CXADR: variants seen among roughly 807,000 people sequenced by gnomAD.
CXADR encodes the protein coxsackievirus and adenovirus receptor.
In CXADR, 20 loss-of-function variants were observed where a neutral mutation model predicts 40.3. The ratio of observed to expected loss-of-function variants is 0.50; its 90% CI spans 0.35 to 0.72. CXADR has a LOEUF of 0.72. CXADR is among the 30% of genes least tolerant of loss of function. The probability of loss-of-function intolerance (pLI) is 0.01; values close to 1 mark genes in which losing one functional copy is unlikely to be tolerated. For missense variants in CXADR, 332 were observed against 449.1 expected (o/e 0.74, Z 2.36); for synonymous variants, 150 against 161.3 (o/e 0.93, Z 0.53).
chr21:17,524,029 TGTGTGTGTGTGTGC>T, intron 1 of CXADR, among the ~76,000 whole-genome samples: 1 of 142,834 alleles, frequency 7.0e-6, no homozygotes, highest in South Asian at 2.2e-4. Flanking sequence ...CAGGCGATTT[TGTGTGTGTGTGTGC>T]GTGTGTGTGT....
At chr21:17,524,043 C>CGTGTGTGT (rs200561495) in intron 1 of CXADR, among the ~76,000 whole-genome samples, 4 of 144,816 alleles carry the variant, frequency 2.8e-5, no homozygotes, top group African/African-American at 1.0e-4. Flanking sequence ...TGTGTGTGTG[C>CGTGTGTGT]GTGTGTGTGT....
chr21:17,584,069 A>G (rs879508291), intron 7 of CXADR, among the ~76,000 whole-genome samples: 16 of 152,178 alleles, frequency 1.1e-4, no homozygotes, highest in Non-Finnish European at 1.9e-4. Context: ...TATGCAATCA[A>G]CTCAGGTGGG....
intron 7 of CXADR, among the ~76,000 whole-genome samples, chr21:17,584,602 A>G (rs1259693366): frequency 6.6e-6 from 1 of 152,134 alleles, no homozygotes; most frequent in Non-Finnish European, 1.5e-5. Flanking sequence ...GAGGCCGAGG[A>G]GGGCGGATCA....
In CXADR at chr21:17,568,012, T is replaced by C. The variant is rs2824362; in HGVS notation, c.*2320T>C. On this transcript the variant is annotated 3_prime_UTR_variant, in exon 7 of 7. Transcript: ENST00000284878. ...GTTTTCAAGTAGTTCTCACTGATAA[T>C]TTAGTTGAACCAGAGATCAAATATT... 5.5e-3 allele frequency: 5,413 copies of C among 985,278 alleles called. 215 individuals carry two copies. The African/African-American group carries it at 0.085, about 15-fold the overall frequency. The allele number at this position is 985,278 out of a possible 1,614,324, so 61.0% of individuals were successfully genotyped here. A position where few individuals can be genotyped will look rare whatever the true frequency, so the allele number is the denominator to read the frequency against.
At chr21:17,600,097 T>G in the CXADR span, among the ~76,000 whole-genome samples, 1 of 152,162 alleles carries the variant, frequency 6.6e-6, no homozygotes, top group Non-Finnish European at 1.5e-5. Context: ...GATTTTTGAT[T>G]TTTTTTAAGT....
chr21:17,543,477 A>G (rs139915858), intron 1 of CXADR, among the ~76,000 whole-genome samples: 14 of 152,346 alleles, frequency 9.2e-5, no homozygotes, highest in African/African-American at 3.4e-4. Context: ...TGAAAACTCT[A>G]AAAACACACA....
At chr21:17,627,239 C>A in the CXADR span, among the ~76,000 whole-genome samples, 1 of 152,030 alleles carries the variant, frequency 6.6e-6, no homozygotes, top group Non-Finnish European at 1.5e-5. Flanking sequence ...GCCTGTAATC[C>A]CCACTACTCA....
the CXADR span, among the ~76,000 whole-genome samples, chr21:17,621,437 G>T: frequency 2.0e-5 from 3 of 152,142 alleles, no homozygotes; most frequent in Non-Finnish European, 2.9e-5. Context: ...CTAGAGCATT[G>T]GGAACAGTGC....
chr21:17,604,190 T>C, the CXADR span: 8 of 1,223,548 alleles, frequency 6.5e-6, no homozygotes, highest in Non-Finnish European at 8.5e-6. Context: ...ACGCCTGTAA[T>C]CCAGCGCTTT....
At chr21:17,536,649 G>A (rs2123198739) in intron 1 of CXADR, among the ~76,000 whole-genome samples, 1 of 152,280 alleles carries the variant, frequency 6.6e-6, no homozygotes, top group East Asian at 1.9e-4. Flanking sequence ...TCAGAATAGG[G>A]ACATGTAAAT....
chr21:17,605,076 A>G, the CXADR span: 20 of 1,471,130 alleles, frequency 1.4e-5, no homozygotes, highest in Non-Finnish European at 1.7e-5. Flanking sequence ...ATACTTGCCA[A>G]GGTGAGTAAT....
chr21:17,539,149 C>T (rs530938848), intron 1 of CXADR, among the ~76,000 whole-genome samples: 4 of 152,212 alleles, frequency 2.6e-5, no homozygotes, highest in Admixed American at 1.3e-4. Context: ...TAGTAGGTCA[C>T]GTCACTGAGA....
At chr21:17,564,974 A>T (rs1354649852) in intron 6 of CXADR, among the ~76,000 whole-genome samples, 2 of 152,190 alleles carry the variant, frequency 1.3e-5, no homozygotes, top group Non-Finnish European at 2.9e-5. Flanking sequence ...ATCTCAAGTG[A>T]TCTGCCCACC....
intron 1 of CXADR, among the ~76,000 whole-genome samples, chr21:17,519,688 AC>A (rs1350375008): frequency 6.6e-6 from 1 of 152,146 alleles, no homozygotes; most frequent in Non-Finnish European, 1.5e-5. Flanking sequence ...TTGACCTTAA[AC>A]CTGGGTGACC....
At chr21:17,538,857 T>A (rs926505817) in intron 1 of CXADR, among the ~76,000 whole-genome samples, 1 of 151,950 alleles carries the variant, frequency 6.6e-6, no homozygotes, top group Non-Finnish European at 1.5e-5. Context: ...TAGAGAACAC[T>A]CTGGGTGAAG....
chr21:17,634,850 G>A, the CXADR span, among the ~76,000 whole-genome samples: 32 of 152,082 alleles, frequency 2.1e-4, no homozygotes, highest in African/African-American at 7.0e-4. Flanking sequence ...TGAACTCCTG[G>A]GCTCCAGCAA....
intron 3 of CXADR, among the ~76,000 whole-genome samples, chr21:17,558,152 G>C (rs1178860665): frequency 6.6e-6 from 1 of 151,492 alleles, no homozygotes; most frequent in Admixed American, 6.6e-5. Flanking sequence ...TTTTGATTCA[G>C]GGTCTGGTTC....
chr21:17,520,140 A>G (rs2060512246), intron 1 of CXADR, among the ~76,000 whole-genome samples: 1 of 152,068 alleles, frequency 6.6e-6, no homozygotes, highest in African/African-American at 2.4e-5. Flanking sequence ...CTCCAAGTAC[A>G]CTCACCTGTT....
chr21:17,599,249 C>T, the CXADR span, among the ~76,000 whole-genome samples: 59 of 152,034 alleles, frequency 3.9e-4, no homozygotes, highest in African/African-American at 1.4e-3. Context: ...AATCACAACT[C>T]ACTGCAGACT....
Sources: allele counts gnomAD v4.1 joint callset (sites outside exome capture counted in the v4.1 genomes callset), GRCh38; gene constraint gnomAD v4.1.1; transcripts MANE v1.5; gene names NCBI Gene and HGNC (gene_info 2026-07-23, HGNC 2026-07-21).